Variants in TCERG1 observed in about 807,000 individuals in gnomAD.
TCERG1 encodes transcription elongation regulator 1, also known as TATA box binding protein (TBP)-associated factor, RNA polymerase II, S, 150kD.
In TCERG1, 37 loss-of-function variants were observed where a neutral mutation model predicts 144.7. The observed-to-expected ratio is 0.26, with a 90% CI of 0.20 to 0.34. The LOEUF (loss-of-function observed/expected upper bound fraction) is 0.34, where lower values mean the gene tolerates loss of function less well. Ranked by LOEUF, TCERG1 falls within the 10% of genes least tolerant of loss-of-function variation. The pLI is 1.00. For synonymous variants in TCERG1, 492 were observed against 458.2 expected (o/e 1.07, Z -0.94); for missense variants, 1,027 against 1,380.7 (o/e 0.74, Z 4.06).
chr5:146,510,931 G>A lies in TCERG1; in HGVS notation c.*289G>A, dbSNP rs751878553. The A allele has an allele frequency of 2.6e-5, 6 of 227,540 alleles. No individual in the cohort carries two copies. Among genetic ancestry groups the A allele is most frequent in the East Asian group, 9.7e-5 (1 of 10,322 alleles). 14.1% of individuals were successfully genotyped at this position (227,540 alleles called of 1,614,324 possible). A position where few individuals can be genotyped will look rare whatever the true frequency, so the allele number is the denominator to read the frequency against. On this transcript the variant is annotated 3_prime_UTR_variant, in exon 23 of 23. Coordinates refer to ENST00000679501, the MANE Select transcript of TCERG1 (RefSeq NM_001382548.1). ...GTGTGGAAGTCAGTGACTTGGTGAC[G>A]TTCTTCCTAGCAGTGTTAATACATG... is the stretch of plus-strand genomic sequence containing the variant.
At chr5:146,503,773 CAT>C in intron 18 of TCERG1, 49 bp from the exon 19 acceptor site, 9 of 1,525,790 alleles carry the variant, frequency 5.9e-6, no homozygotes, top group South Asian at 1.3e-5. Context: ...TCTGTAAAAA[CAT>C]ATTTTGATGG....
chr5:146,468,299 A>G, intron 5 of TCERG1, 42 bp from the exon 6 acceptor site: 1 of 1,474,132 alleles, frequency 6.8e-7, no homozygotes, highest in Non-Finnish European at 9.2e-7. Context: ...GCCGACATAC[A>G]ATGGCAGCTT....
In TCERG1 at chr5:146,488,453, A is replaced by AT. The variant is rs1766065430; in HGVS notation, c.2164-4466dup. 1.3e-5 allele frequency among the ~76,000 whole-genome samples: 2 copies of AT among 152,190 alleles called. 1 individual carries two copies. Among genetic ancestry groups the AT allele is most frequent in the South Asian group, 4.1e-4 (2 of 4,830 alleles). On this transcript the variant is annotated intron_variant, in intron 15 of 22. Coordinates refer to ENST00000679501, the MANE Select transcript of TCERG1 (RefSeq NM_001382548.1). ...AACAGACATTTCTCAAAACATACAAATGGCCAATAAATATATGAAAAAATG... is the reference window on the plus strand; with the variant it reads ...AACAGACATTTCTCAAAACATACAAATTGGCCAATAAATATATGAAAAAATG...
intron 12 of TCERG1, among the ~76,000 whole-genome samples, 160 bp from the exon 13 acceptor site, chr5:146,480,990 C>G (rs1298222215): frequency 6.7e-6 from 1 of 149,030 alleles, no homozygotes; most frequent in East Asian, 2.0e-4. Context: ...AAAAAAAAAC[C>G]TAGAATAAGA....
chr5:146,449,466 A>C (rs1427099152), intron 1 of TCERG1, among the ~76,000 whole-genome samples: 1 of 152,202 alleles, frequency 6.6e-6, no homozygotes, highest in Admixed American at 6.5e-5. Context: ...TGACTTACAC[A>C]AGGTCACTGG....
In TCERG1 at chr5:146,463,451, T is replaced by C. The variant is rs1763512354; in HGVS notation, c.893-100T>C. On this transcript the variant is annotated intron_variant, in intron 4 of 22. Transcript: ENST00000679501. ...AAATTTCTTGCAGTGCATAGAATGG[T>C]CCCTTAAATACTTAAATTACTGAAT... is the stretch of plus-strand genomic sequence containing the variant. 7 of 1,534,540 alleles carry C rather than the reference T, an allele frequency of 4.6e-6. No individual in the cohort carries two copies. In the Middle Eastern group the frequency reaches 1.2e-3, roughly 268 times the overall value.
intron 1 of TCERG1, among the ~76,000 whole-genome samples, chr5:146,447,789 A>G (rs1227391362): frequency 6.6e-6 from 1 of 152,068 alleles, no homozygotes; most frequent in Non-Finnish European, 1.5e-5. Flanking sequence ...GATTTTCCTC[A>G]TCGACGTCTC....
chr5:146,452,351 T>A (rs1762427481), intron 1 of TCERG1, among the ~76,000 whole-genome samples: 1 of 152,198 alleles, frequency 6.6e-6, no homozygotes, highest in Non-Finnish European at 1.5e-5. Flanking sequence ...AATACCATGA[T>A]AGGTACTCAG....
Position 146,454,424 on chromosome 5 carries a change from GT to G in TCERG1, c.60-622del, listed in dbSNP as rs369987043. Among the ~76,000 whole-genome samples, 111 of 147,156 alleles carry G rather than the reference GT, an allele frequency of 7.5e-4. 2 individuals are homozygous for G. The East Asian group carries it at 8.2e-3, about 11-fold the overall frequency. On this transcript the variant is annotated intron_variant, in intron 1 of 22. Transcript: ENST00000679501. ...CCTTATTACGTAGATTATGTAGAGT[GT>G]TTTTTTTTTCATCCTTTCTTGCAAC...
chr5:146,453,120 G>A (rs1378014078), intron 1 of TCERG1, among the ~76,000 whole-genome samples: 3 of 152,146 alleles, frequency 2.0e-5, no homozygotes, highest in Non-Finnish European at 4.4e-5. Context: ...GGAAGAGATA[G>A]ATAATACTAT....
intron 3 of TCERG1, 53 bp downstream of exon 3, chr5:146,457,388 TA>T: frequency 6.7e-7 from 1 of 1,503,048 alleles, no homozygotes; most frequent in Non-Finnish European, 9.0e-7. Context: ...GAGTAAAACT[TA>T]AAGAGTTCTG....
At chr5:146,481,378 AATT>A in intron 13 of TCERG1, 178 bp downstream of exon 13, 1 of 176,776 alleles carries the variant, frequency 5.7e-6, no homozygotes, top group Non-Finnish European at 1.1e-5. Flanking sequence ...ATAGTTTTAA[AATT>A]ATTATTATAA....
intron 15 of TCERG1, among the ~76,000 whole-genome samples, chr5:146,490,257 A>C (rs4705368): frequency 0.95 from 144,465 of 152,216 alleles, 68,560 homozygotes; most frequent in East Asian, 1. Flanking sequence ...GTTCCAAGAC[A>C]CCCAGTGGAT....
intron 9 of TCERG1, among the ~76,000 whole-genome samples, chr5:146,471,892 C>T (rs2400218): frequency 0.027 from 4,173 of 152,230 alleles, 83 homozygotes; most frequent in South Asian, 0.058. Flanking sequence ...CCACCGTGCC[C>T]GGCCTCAAGT....
In TCERG1 at chr5:146,480,226, A is replaced by G. The variant is rs2288811; in HGVS notation, c.1886+132A>G. Reference sequence around the variant, plus strand: ...CATGATTGCTCTCTTAGGCCTGATAATAAATAGCTTTGTTTTTCATTGTAG... The same window carrying G: ...CATGATTGCTCTCTTAGGCCTGATAGTAAATAGCTTTGTTTTTCATTGTAG... On this transcript the variant is annotated intron_variant, in intron 12 of 22. Transcript: ENST00000679501. 142,532 of 555,464 alleles carry G rather than the reference A, an allele frequency of 0.26. 25,329 individuals are homozygous for G. The highest frequency in any genetic ancestry group is 0.86 in the East Asian group (27,899 of 32,614). 34.4% of individuals were successfully genotyped at this position (555,464 alleles called of 1,614,324 possible). A position where few individuals can be genotyped will look rare whatever the true frequency, so the allele number is the denominator to read the frequency against.
At chr5:146,453,410 A>T (rs1372541697) in intron 1 of TCERG1, among the ~76,000 whole-genome samples, 1 of 152,228 alleles carries the variant, frequency 6.6e-6, no homozygotes, top group Non-Finnish European at 1.5e-5. Flanking sequence ...CCTCTTTGTT[A>T]TTCTGAACTG....
At chr5:146,485,653 C>T (rs1250979833) in intron 15 of TCERG1, among the ~76,000 whole-genome samples, 1 of 152,142 alleles carries the variant, frequency 6.6e-6, no homozygotes, top group Non-Finnish European at 1.5e-5. Context: ...AATAAAATCT[C>T]TAGTTAAAAG....
At position 146,455,115 on chromosome 5, in the gene TCERG1, T is replaced by C; in HGVS notation, c.119T>C (p.Met40Thr). Reference protein sequence around the residue: ...RGPAPPPNAVMRGPPPLMRPP... With the variant: ...RGPAPPPNAVTRGPPPLMRPP... ...CCGGCTCCCCCACCAAATGCAGTGA[T>C]GCGAGGCCCACCACCTCTGATGCGA... is the stretch of plus-strand genomic sequence containing the variant. Residue 40 changes from methionine (M) to threonine (T), a missense_variant, in exon 2 of 23, where the codon ATG becomes ACG. Around this residue, in one of 6 missense-constraint regions of TCERG1, gnomAD observed 175 missense variants for 197.0 expected, o/e 0.89. Coordinates refer to ENST00000679501, the MANE Select transcript of TCERG1 (RefSeq NM_001382548.1). 1 of 1,614,220 alleles carries C rather than the reference T, an allele frequency of 6.2e-7. No homozygotes were observed. The highest frequency in any genetic ancestry group is 8.5e-7 in the Non-Finnish European group (1 of 1,180,028).
chr5:146,453,659 C>T (rs746835107), intron 1 of TCERG1, among the ~76,000 whole-genome samples: 10 of 152,002 alleles, frequency 6.6e-5, no homozygotes, highest in South Asian at 4.2e-4. Flanking sequence ...TGTTATTGGC[C>T]GAGCGTGGTG....
Sources: allele counts gnomAD v4.1 joint callset (sites outside exome capture counted in the v4.1 genomes callset), GRCh38; gene constraint gnomAD v4.1.1; regional missense constraint gnomAD v4.1.1; transcripts MANE v1.5; gene names NCBI Gene and HGNC (gene_info 2026-07-23, HGNC 2026-07-21).